MTREX: variants seen among roughly 807,000 people sequenced by gnomAD.
The protein encoded by MTREX is Mtr4 exosome RNA helicase, also known as exosome RNA helicase MTR4.
MTREX carries 76 observed loss-of-function variants against 135.4 expected under a neutral mutation model. That is an observed-to-expected ratio of 0.56 (90% CI 0.47 to 0.68). MTREX has a LOEUF of 0.68. Ranked by LOEUF, MTREX falls within the 30% of genes least tolerant of loss-of-function variation. The pLI is 0.00. For missense variants in MTREX, 920 were observed against 1,262.1 expected (o/e 0.73, Z 4.11); for synonymous variants, 404 against 401.6 (o/e 1.01, Z -0.07).
chr5:55,335,046 G>A (rs959111099), intron 5 of MTREX, among the ~76,000 whole-genome samples: 1 of 151,984 alleles, frequency 6.6e-6, no homozygotes, highest in African/African-American at 2.4e-5. Context: ...TTTCAGTGAT[G>A]TCCCAAAGTA....
chr5:55,329,765 T>C (rs1363466665), intron 5 of MTREX, among the ~76,000 whole-genome samples: 2 of 152,180 alleles, frequency 1.3e-5, no homozygotes, highest in African/African-American at 4.8e-5. Context: ...CTGTACATAA[T>C]GTGTCTTTTT....
At chr5:55,391,193 C>T (rs1425019378) in intron 19 of MTREX, among the ~76,000 whole-genome samples, 1 of 152,090 alleles carries the variant, frequency 6.6e-6, no homozygotes, top group East Asian at 1.9e-4. Context: ...ATAATCCCAG[C>T]ACTTTGGGAG....
intron 21 of MTREX, 78 bp from the exon 22 acceptor site, chr5:55,405,346 TG>T: frequency 2.4e-6 from 3 of 1,231,890 alleles, no homozygotes; most frequent in Non-Finnish European, 3.4e-6. Context: ...AAATATTTTT[TG>T]TTTGATTTCA....
intron 2 of MTREX, among the ~76,000 whole-genome samples, chr5:55,323,728 T>A (rs1384242392): frequency 1.3e-5 from 2 of 152,194 alleles, no homozygotes; most frequent in Non-Finnish European, 2.9e-5. Context: ...CCAGGAACAC[T>A]TCTATAAATA....
chr5:55,421,410 T>A lies in MTREX; in HGVS notation c.2972-1468T>A, dbSNP rs371645594. Among the ~76,000 whole-genome samples the A allele has an allele frequency of 9.2e-5, 14 of 152,360 alleles. 1 individual carries two copies. In the East Asian group the frequency reaches 2.1e-3, roughly 23 times the overall value. On this transcript the variant is annotated intron_variant, in intron 25 of 26. Transcript: ENST00000230640. ...AACCACAGTCATTGTATATGCAACC[T>A]TGTGCCTACTGGCCTAATTTGCTTG...
At position 55,347,009 on chromosome 5, in the gene MTREX, G is replaced by T. The variant is rs1749750159; in HGVS notation, c.1109-4G>T. Reference sequence around the variant, plus strand: ...TTTTGGTGTGTTGTTTACTGTTTTTGCAGGACCATCAAATGTTTTCAAAAT... The same window carrying T: ...TTTTGGTGTGTTGTTTACTGTTTTTTCAGGACCATCAAATGTTTTCAAAAT... On this transcript the variant is annotated splice_polypyrimidine_tract_variant and splice_region_variant and intron_variant, in intron 10 of 26. Coordinates refer to ENST00000230640, the MANE Select transcript of MTREX (RefSeq NM_015360.5). 2 of 1,601,652 alleles carry T rather than the reference G, an allele frequency of 1.2e-6. No homozygotes were observed. The highest frequency in any genetic ancestry group is 1.3e-5 in the African/African-American group (1 of 74,190).
chr5:55,346,989 G>T, intron 10 of MTREX, 24 bp from the exon 11 acceptor site: 3 of 1,573,296 alleles, frequency 1.9e-6, no homozygotes, highest in East Asian at 4.6e-5. Context: ...GTTAATTTTG[G>T]TGTGTTGTTT....
intron 16 of MTREX, among the ~76,000 whole-genome samples, chr5:55,376,328 G>A (rs940222897): frequency 1.1e-4 from 17 of 152,298 alleles, no homozygotes; most frequent in African/African-American, 2.9e-4. Context: ...TGCATGCGAC[G>A]TTCAAGACTC....
At chr5:55,338,429 T>A (rs1749588022) in intron 5 of MTREX, among the ~76,000 whole-genome samples, 1 of 152,192 alleles carries the variant, frequency 6.6e-6, no homozygotes, top group Non-Finnish European at 1.5e-5. Flanking sequence ...TTTCAAAGAC[T>A]CTCTTTGCCT....
At chr5:55,335,665 G>T (rs1461837918) in intron 5 of MTREX, among the ~76,000 whole-genome samples, 1 of 151,918 alleles carries the variant, frequency 6.6e-6, no homozygotes, top group Non-Finnish European at 1.5e-5. Flanking sequence ...ATTACTGTGG[G>T]GTTATAATAA....
At chr5:55,362,163 G>A (rs12654181) in intron 15 of MTREX, among the ~76,000 whole-genome samples, 18,755 of 146,584 alleles carry the variant, frequency 0.13, 1,406 homozygotes, top group East Asian at 0.26. Context: ...TGAACTCCAG[G>A]CTCAAGTGAT....
chr5:55,357,509 CT>C (rs1180791475), intron 14 of MTREX: 1 of 155,780 alleles, frequency 6.4e-6, no homozygotes. Flanking sequence ...AAGGACCTTG[CT>C]TTTCCCTCAG....
intron 19 of MTREX, among the ~76,000 whole-genome samples, chr5:55,396,330 G>A (rs1352547815): frequency 6.6e-6 from 1 of 152,160 alleles, no homozygotes; most frequent in Non-Finnish European, 1.5e-5. Context: ...GGTCAGTGGG[G>A]AAATCTGAAT....
intron 11 of MTREX, among the ~76,000 whole-genome samples, chr5:55,348,238 G>A (rs913165264): frequency 6.6e-6 from 1 of 152,164 alleles, no homozygotes; most frequent in African/African-American, 2.4e-5. Context: ...GCAAGAGAGA[G>A]GGTGGGAGAA....
chr5:55,318,123 G>A (rs1198037291), intron 1 of MTREX, among the ~76,000 whole-genome samples: 1 of 152,174 alleles, frequency 6.6e-6, no homozygotes, highest in South Asian at 2.1e-4. Flanking sequence ...AAAAATAGCA[G>A]ATGCTGTCAA....
intron 18 of MTREX, among the ~76,000 whole-genome samples, chr5:55,381,258 C>A (rs1750392664): frequency 6.6e-6 from 1 of 151,670 alleles, no homozygotes; most frequent in Non-Finnish European, 1.5e-5. Context: ...TTAGGTTATG[C>A]CCCATCTTTT....
At chr5:55,365,441 C>T (rs1291572826) in intron 15 of MTREX, among the ~76,000 whole-genome samples, 11 of 152,068 alleles carry the variant, frequency 7.2e-5, no homozygotes, top group Admixed American at 7.2e-4. Flanking sequence ...TGAGAAGTCT[C>T]CCCTTTTTCT....
At chr5:55,378,263 TTTAAA>T in intron 16 of MTREX, 46 bp from the exon 17 acceptor site, 1 of 1,502,544 alleles carries the variant, frequency 6.7e-7, no homozygotes, top group Non-Finnish European at 8.8e-7. Context: ...TTGGGTATAA[TTTAAA>T]TAAGATGTAT....
intron 1 of MTREX, among the ~76,000 whole-genome samples, chr5:55,311,160 T>C (rs955390065): frequency 9.2e-5 from 14 of 152,226 alleles, no homozygotes; most frequent in African/African-American, 3.4e-4. Flanking sequence ...AAGAGCTTCA[T>C]GTACTCATAA....
Sources: allele counts gnomAD v4.1 joint callset (sites outside exome capture counted in the v4.1 genomes callset), GRCh38; gene constraint gnomAD v4.1.1; transcripts MANE v1.5; gene names NCBI Gene and HGNC (gene_info 2026-07-23, HGNC 2026-07-21).